MYO10: variants seen among roughly 807,000 people sequenced by gnomAD.
The protein encoded by MYO10 is myosin X, also known as unconventional myosin-X.
Under a neutral mutation model 257.3 loss-of-function variants are expected in MYO10, and 133 were observed. The observed-to-expected ratio is 0.52, with a 90% CI of 0.45 to 0.60. MYO10 has a LOEUF of 0.60. Among genes scored for constraint, MYO10 ranks in the 20% least tolerant of loss-of-function variants. The pLI, the probability that MYO10 is intolerant of heterozygous loss-of-function variation, is 0.00. For synonymous variants in MYO10, 1,104 were observed against 1,028.6 expected, an observed-to-expected ratio of 1.07 and a Z score of -1.40; for missense variants, 2,399 against 2,635.7, an observed-to-expected ratio of 0.91 and a Z score of 1.97.
chr5:16,856,671 G>C (rs13174277), intron 2 of MYO10, among the ~76,000 whole-genome samples: 4 of 152,076 alleles, frequency 2.6e-5, no homozygotes, highest in African/African-American at 9.7e-5. Context: ...TCTTGTCTTA[G>C]AGAGTCTTGC....
At chr5:16,714,032 T>C (rs191040806) in intron 19 of MYO10, among the ~76,000 whole-genome samples, 28 of 152,302 alleles carry the variant, frequency 1.8e-4, no homozygotes, top group Admixed American at 5.2e-4. Context: ...ACACCTACTA[T>C]GTGCAAGGTT....
chr5:16,807,406 A>T (rs1454531786), intron 3 of MYO10, among the ~76,000 whole-genome samples: 1 of 152,184 alleles, frequency 6.6e-6, no homozygotes, highest in East Asian at 1.9e-4. Context: ...TTAAACACTT[A>T]GCATCTACCT....
chr5:16,738,006 C>T, intron 19 of MYO10: 1 of 667,292 alleles, frequency 1.5e-6, no homozygotes. Flanking sequence ...ACAGGTGAAG[C>T]AGAGTAGCAC....
At chr5:16,922,074 C>T (rs1289218767) in intron 1 of MYO10, among the ~76,000 whole-genome samples, 1 of 151,930 alleles carries the variant, frequency 6.6e-6, no homozygotes, top group Non-Finnish European at 1.5e-5. Context: ...ATTAGCCAGG[C>T]GTGGTGGTGC....
In MYO10 at chr5:16,701,562, G is replaced by A; in HGVS notation, c.2833C>T (p.Leu945Phe). Reference protein sequence around the residue: ...CRAAQEFLESLNFDEIDECVR... With the variant: ...CRAAQEFLESFNFDEIDECVR... The stretch of plus-strand genomic sequence containing the variant: ...CACTCGTCGATCTCGTCGAAATTGA[G>A]GGACTCGAGGAACTCCTGGGCCGCC... The change falls in exon 25 of 41, where the codon CTC becomes TTC. Residue 945 changes from leucine (L) to phenylalanine (F), a missense_variant. This residue lies in a region of MYO10 where 1,820 missense variants were observed against 1,939.4 expected (regional missense o/e 0.94). Coordinates refer to ENST00000513610, the MANE Select transcript of MYO10 (RefSeq NM_012334.3). This position sits in a 1 kb window ranked among gnomAD's most constrained non-coding sequence, Gnocchi z 8.1. 1.2e-6 allele frequency: 2 copies of A among 1,613,930 alleles called. No individual in the cohort carries two copies. The highest frequency in any genetic ancestry group is 1.6e-4 in the Middle Eastern group (1 of 6,062).
At chr5:16,860,925 G>A (rs1427746615) in intron 2 of MYO10, among the ~76,000 whole-genome samples, 1 of 152,180 alleles carries the variant, frequency 6.6e-6, no homozygotes, top group African/African-American at 2.4e-5. Context: ...GCTTGCAAAA[G>A]TGTGCTTTCA....
intron 19 of MYO10, among the ~76,000 whole-genome samples, chr5:16,735,541 C>T (rs1169316131): frequency 6.6e-6 from 1 of 151,998 alleles, no homozygotes; most frequent in Admixed American, 6.6e-5. Context: ...CCCATTTCCA[C>T]CAAAAATAAA....
chr5:16,723,142 C>T (rs997647857), intron 19 of MYO10, among the ~76,000 whole-genome samples: 1 of 151,628 alleles, frequency 6.6e-6, no homozygotes, highest in East Asian at 1.9e-4. Context: ...TTTGGGAGGC[C>T]GAGGCAGGCG....
At chr5:16,848,724 T>C (rs1441448531) in intron 2 of MYO10, among the ~76,000 whole-genome samples, 1 of 151,124 alleles carries the variant, frequency 6.6e-6, no homozygotes, top group African/African-American at 2.5e-5. Context: ...TTCAAGAGGC[T>C]AGTTTGTCTA....
intron 35 of MYO10, 98 bp from the exon 36 acceptor site, chr5:16,673,987 A>C (rs550140229): frequency 5.8e-6 from 6 of 1,027,282 alleles, no homozygotes; most frequent in Non-Finnish European, 8.9e-6. Context: ...AAAGCAGTGA[A>C]TGGTCCCCCA....
At chr5:16,815,648 C>T (rs56253407) in intron 3 of MYO10, among the ~76,000 whole-genome samples, 2,637 of 152,264 alleles carry the variant, frequency 0.017, 83 homozygotes, top group African/African-American at 0.06. Context: ...AAAGAAACTG[C>T]TATGTAAACA....
At chr5:16,926,558 C>A (rs1746137834) in intron 1 of MYO10, among the ~76,000 whole-genome samples, 1 of 152,058 alleles carries the variant, frequency 6.6e-6, no homozygotes, top group Non-Finnish European at 1.5e-5. Flanking sequence ...AAAAATTAGC[C>A]AGGCATGGTG....
intron 1 of MYO10, among the ~76,000 whole-genome samples, chr5:16,927,800 G>A (rs902536346): frequency 6.6e-6 from 1 of 152,170 alleles, no homozygotes; most frequent in African/African-American, 2.4e-5. Flanking sequence ...AAACTCTAAT[G>A]TCTTTTCCTG....
In MYO10 at chr5:16,806,714, TTA is replaced by T. The variant is rs375146938; in HGVS notation, c.279+11293_279+11294del. On this transcript the variant is annotated intron_variant, in intron 3 of 40. Transcript: ENST00000513610. ...GACTCAGTGGCCTCATACAGGATGC[TTA>T]TAGAGACCAAGGGACCCAGGTTGGA... 2.5e-4 allele frequency among the ~76,000 whole-genome samples: 38 copies of T among 151,916 alleles called. 1 individual carries two copies. The highest frequency in any genetic ancestry group is 7.5e-4 in the African/African-American group (31 of 41,418).
chr5:16,915,404 G>A (rs913699363), intron 1 of MYO10, among the ~76,000 whole-genome samples: 23 of 152,146 alleles, frequency 1.5e-4, no homozygotes, highest in African/African-American at 4.8e-4. Flanking sequence ...TATGATTATC[G>A]TTATTTTTAA....
At chr5:16,719,042 A>G (rs570126293) in intron 19 of MYO10, among the ~76,000 whole-genome samples, 13 of 150,918 alleles carry the variant, frequency 8.6e-5, no homozygotes, top group East Asian at 3.9e-4. Context: ...CCCCTTCCAC[A>G]CTGTGGAAGC....
intron 2 of MYO10, among the ~76,000 whole-genome samples, chr5:16,839,515 A>G (rs1253486866): frequency 2.6e-5 from 4 of 152,122 alleles, no homozygotes; most frequent in Non-Finnish European, 5.9e-5. Flanking sequence ...GGGCCAAGGT[A>G]GGAGGACTAC....
At chr5:16,779,058 T>C (rs1741323222) in intron 9 of MYO10, among the ~76,000 whole-genome samples, 1 of 152,218 alleles carries the variant, frequency 6.6e-6, no homozygotes, top group Non-Finnish European at 1.5e-5. Context: ...TAAGTTTTCC[T>C]GATCGTGTGA....
intron 19 of MYO10, among the ~76,000 whole-genome samples, chr5:16,721,876 TCA>T (rs1420757522): frequency 5.3e-5 from 8 of 152,208 alleles, no homozygotes; most frequent in Admixed American, 2.6e-4. Context: ...ACAGCCCTGT[TCA>T]CACAGAGCCA....
Sources: allele counts gnomAD v4.1 joint callset (sites outside exome capture counted in the v4.1 genomes callset), GRCh38; gene constraint gnomAD v4.1.1; regional missense constraint gnomAD v4.1.1; non-coding constraint Gnocchi (gnomAD v3.1); transcripts MANE v1.5; gene names NCBI Gene and HGNC (gene_info 2026-07-23, HGNC 2026-07-21).